AKAP13: variants seen among roughly 807,000 people sequenced by gnomAD.
AKAP13 encodes the protein A-kinase anchor protein 13.
AKAP13 carries 80 observed loss-of-function variants against 264.5 expected under a neutral mutation model. That is an observed-to-expected ratio of 0.30 (90% confidence interval 0.25 to 0.36). The LOEUF (loss-of-function observed/expected upper bound fraction) is 0.36. Among genes scored for constraint, AKAP13 ranks in the 10% least tolerant of loss-of-function variants. The pLI is 1.00. For missense variants in AKAP13, 3,712 were observed against 3,435.2 expected (o/e 1.08, Z -2.01); for synonymous variants, 1,380 against 1,250.2 (o/e 1.10, Z -2.19).
rs142628751 is a variant in AKAP13, at chr15:85,513,374, C to G, written c.34-8054C>G. 2.1e-3 allele frequency among the ~76,000 whole-genome samples: 317 copies of G among 152,038 alleles called. 3 individuals carry two copies. The highest frequency in any genetic ancestry group is 7.2e-3 in the African/African-American group (300 of 41,516). ...TTTGTGGGAAGCCTTGGAGGTTTTA[C>G]AATTTTTTATTTTTATGTTTTTAAA... On this transcript the variant is annotated intron_variant, in intron 2 of 36. Transcript: ENST00000394518.
intron 8 of AKAP13, among the ~76,000 whole-genome samples, chr15:85,616,765 C>G (rs2080952901): frequency 6.6e-6 from 1 of 152,186 alleles, no homozygotes; most frequent in South Asian, 2.1e-4. Context: ...TTGATAAAAA[C>G]TTGGAATTGT....
Position 85,580,514 on chromosome 15 carries a change from C to T in AKAP13, c.2446C>T (p.Pro816Ser). The change falls in exon 7 of 37, where the codon CCT (proline) becomes TCT (serine). Residue 816 changes from proline to serine, a missense_variant. By Grantham distance (74) the Pro-to-Ser change is moderately conservative (BLOSUM62 -1). Transcript: ENST00000394518. Reference protein sequence around the residue: ...PSQKEKGTATPELHTATDYRD... With the variant: ...PSQKEKGTATSELHTATDYRD... Reference sequence around the variant, plus strand: ...CCAGAAAGAAAAGGGAACAGCAACTCCTGAACTACATACAGCTACAGATTA... The same window carrying T: ...CCAGAAAGAAAAGGGAACAGCAACTTCTGAACTACATACAGCTACAGATTA... 6.2e-7 allele frequency: 1 copy of T among 1,614,186 alleles called. No homozygotes were observed. Among genetic ancestry groups the T allele is most frequent in the South Asian group, 1.1e-5 (1 of 91,084 alleles).
chr15:85,538,858 T>C lies in AKAP13; in HGVS notation c.479-4914T>C, dbSNP rs1440473435. ...TGTGTATTTTTTTTTTTTGAGGGAGTCTTGCTCTGTCCCCCAGGCTAGAGT... is the reference window on the plus strand; with the variant it reads ...TGTGTATTTTTTTTTTTTGAGGGAGCCTTGCTCTGTCCCCCAGGCTAGAGT... On this transcript the variant is annotated intron_variant, in intron 4 of 36. Coordinates refer to ENST00000394518, the MANE Select transcript of AKAP13 (RefSeq NM_007200.5). 2.8e-5 allele frequency among the ~76,000 whole-genome samples: 4 copies of C among 145,410 alleles called. No homozygotes were observed. In the Admixed American group the frequency reaches 2.8e-4, roughly 10 times the overall value.
chr15:85,533,636 C>T lies in AKAP13; in HGVS notation c.234C>T (p.Gly78=). The stretch of plus-strand genomic sequence containing the variant: ...TGCAGCTCTGTGCTTCCAAAGAGGG[C>T]CTTCCCGTGTTTGTGGTGGCTGAAG... The part of the protein sequence containing the change: ...VKVQLCASKE[G]LPVFVVAEED... Residue 78 remains glycine (G), a synonymous_variant, in exon 4 of 37, where the codon GGC becomes GGT. Transcript: ENST00000394518. The T allele has an allele frequency of 6.2e-7, 1 of 1,614,022 alleles. No individual in the cohort carries two copies. The highest frequency in any genetic ancestry group is 8.5e-7 in the Non-Finnish European group (1 of 1,179,944).
At chr15:85,608,989 T>G (rs544282551) in intron 8 of AKAP13, among the ~76,000 whole-genome samples, 10 of 152,328 alleles carry the variant, frequency 6.6e-5, no homozygotes, top group African/African-American at 2.4e-4. Flanking sequence ...ACTTTTTTCA[T>G]TTTTAATTGA....
chr15:85,723,188 T>C lies in AKAP13; in HGVS notation c.6613T>C (p.Tyr2205His). 1 of 1,614,172 alleles carries C rather than the reference T, an allele frequency of 6.2e-7. No individual in the cohort carries two copies. The highest frequency in any genetic ancestry group is 8.5e-7 in the Non-Finnish European group (1 of 1,180,008). The change falls in exon 26 of 37, where the codon TAT (tyrosine) becomes CAT (histidine). Residue 2205 changes from tyrosine to histidine, a missense_variant. Physicochemically the swap from Tyr to His is moderately conservative, Grantham distance 83 (BLOSUM62 2). Transcript: ENST00000394518. ...AAAGAAAGTGCGTCTCAATGAGATT[T>C]ATACAAAGACAGATAGCAAGTCAAT... ...YEKKVRLNEI[Y>H]TKTDSKSIMR... is the part of the protein sequence containing the mutation.
In AKAP13 at chr15:85,655,766, A is replaced by T. The variant is rs776782434; in HGVS notation, c.4724A>T (p.Asp1575Val). Reference sequence around the variant, plus strand: ...GGGCCTGGGAAAAATGCAGCCAGCGATGCAGAAATGAACCACCGGAGGTGA... The same window carrying T: ...GGGCCTGGGAAAAATGCAGCCAGCGTTGCAGAAATGAACCACCGGAGGTGA... ...SWGPGKNAAS[D>V]AEMNHRSSMR... Residue 1575 changes from aspartate to valine, a missense_variant, in exon 11 of 37, where the codon GAT (aspartate) becomes GTT (valine). Physicochemically the swap from Asp to Val is radical, Grantham distance 152 (BLOSUM62 -3). Coordinates refer to ENST00000394518, the MANE Select transcript of AKAP13 (RefSeq NM_007200.5). 2.5e-6 allele frequency: 4 copies of T among 1,609,938 alleles called. No individual in the cohort carries two copies. In the African/African-American group the frequency reaches 4.0e-5, roughly 16 times the overall value.
chr15:85,561,295 T>C, intron 5 of AKAP13, among the ~76,000 whole-genome samples: 1 of 152,248 alleles, frequency 6.6e-6, no homozygotes, highest in East Asian at 1.9e-4. Context: ...TGACCTCAGG[T>C]GATCCACCTG....
At chr15:85,608,731 A>G (rs1408201706) in intron 8 of AKAP13, among the ~76,000 whole-genome samples, 2 of 152,232 alleles carry the variant, frequency 1.3e-5, no homozygotes, top group Admixed American at 6.5e-5. Flanking sequence ...AGGAAGAACC[A>G]TATTCTGATT....
rs1313533534 is a variant in AKAP13, at chr15:85,740,281, C to T, written c.7608+9C>T. The T allele has an allele frequency of 1.3e-5, 21 of 1,613,546 alleles. No homozygotes were observed. The highest frequency in any genetic ancestry group is 1.6e-5 in the Non-Finnish European group (19 of 1,179,678). ...TCCTCAGCGCTCTGCAGGTGCGTGC[C>T]TTCATCTTCCATCCCTGCGTTTATT... On this transcript the variant is annotated intron_variant, in intron 34 of 36. Coordinates refer to ENST00000394518, the MANE Select transcript of AKAP13 (RefSeq NM_007200.5).
At chr15:85,636,659 G>C (rs1352554077) in intron 8 of AKAP13, among the ~76,000 whole-genome samples, 1 of 150,982 alleles carries the variant, frequency 6.6e-6, no homozygotes, top group South Asian at 2.1e-4. Context: ...TTGTTGTCCA[G>C]GCTGGTGTTC....
Position 85,580,440 on chromosome 15 carries a change from C to T in AKAP13, c.2372C>T (p.Pro791Leu), listed in dbSNP as rs1360101695. 2 of 1,614,072 alleles carry T rather than the reference C, an allele frequency of 1.2e-6. No individual in the cohort carries two copies. The highest frequency in any genetic ancestry group is 2.7e-5 in the African/African-American group (2 of 74,930). ...AGTACTTTCTCTCTGGCAAACAGTC[C>T]AGGCAGTGAATCAGTAACCAAGGAT... Reference protein sequence around the residue: ...SDSTFSLANSPGSESVTKDDA... With the variant: ...SDSTFSLANSLGSESVTKDDA... The change falls in exon 7 of 37, where the codon CCA becomes CTA. Residue 791 changes from proline (P) to leucine (L), a missense_variant. Physicochemically the swap from Pro to Leu is moderately conservative, Grantham distance 98 (BLOSUM62 -3). Around this residue, in one of 3 missense-constraint regions of AKAP13, gnomAD observed 2,759 missense variants for 2,411.7 expected, o/e 1.14. Coordinates refer to ENST00000394518, the MANE Select transcript of AKAP13 (RefSeq NM_007200.5).
At chr15:85,430,515 C>A (rs540151962) in intron 1 of AKAP13, among the ~76,000 whole-genome samples, 2 of 152,130 alleles carry the variant, frequency 1.3e-5, no homozygotes, top group East Asian at 3.9e-4. Flanking sequence ...TAGTGGCTGG[C>A]GGTGGGTTTG....
intron 1 of AKAP13, among the ~76,000 whole-genome samples, chr15:85,421,767 T>C (rs1047735833): frequency 4.6e-5 from 7 of 152,262 alleles, no homozygotes; most frequent in Non-Finnish European, 7.3e-5. Context: ...CTTTCTACTT[T>C]GTAGACTTAT....
At chr15:85,710,859 G>A (rs952448358) in intron 19 of AKAP13, among the ~76,000 whole-genome samples, 2 of 152,128 alleles carry the variant, frequency 1.3e-5, no homozygotes, top group African/African-American at 2.4e-5. Context: ...AACAGTCTGT[G>A]TATTAGCTTA....
At chr15:85,687,023 C>T (rs991685603) in intron 16 of AKAP13, among the ~76,000 whole-genome samples, 1 of 152,106 alleles carries the variant, frequency 6.6e-6, no homozygotes, top group African/African-American at 2.4e-5. Flanking sequence ...TCCCCAATGT[C>T]ATGGAGTTTT....
intron 4 of AKAP13, among the ~76,000 whole-genome samples, chr15:85,542,754 G>T (rs1056747570): frequency 6.6e-6 from 1 of 152,238 alleles, no homozygotes; most frequent in East Asian, 1.9e-4. Context: ...AGTATTGCTA[G>T]TGAACCTTGA....
At chr15:85,726,559 A>T in intron 27 of AKAP13, 73 bp downstream of exon 27, 1 of 1,284,416 alleles carries the variant, frequency 7.8e-7, no homozygotes, top group South Asian at 1.2e-5. Context: ...GCACTATGTT[A>T]TTGCTCTCCC....
intron 2 of AKAP13, among the ~76,000 whole-genome samples, chr15:85,504,522 A>C (rs1467057079): frequency 6.8e-4 from 98 of 143,606 alleles, no homozygotes; most frequent in Non-Finnish European, 1.2e-3. Context: ...AAAAAAAAAA[A>C]AAAAAAAAAA....
Sources: allele counts gnomAD v4.1 joint callset (sites outside exome capture counted in the v4.1 genomes callset), GRCh38; gene constraint gnomAD v4.1.1; regional missense constraint gnomAD v4.1.1; transcripts MANE v1.5; gene names NCBI Gene and HGNC (gene_info 2026-07-23, HGNC 2026-07-21).